Variants in AGO2 observed in about 807,000 individuals in gnomAD.
AGO2 encodes argonaute RISC catalytic component 2, also known as protein argonaute-2.
AGO2 carries 5 observed loss-of-function variants against 102.3 expected under a neutral mutation model. The observed-to-expected ratio is 0.05, with a 90% confidence interval of 0.03 to 0.10. The LOEUF is 0.10. AGO2 is among the 10% of genes least tolerant of loss of function. The pLI, the probability that AGO2 is intolerant of heterozygous loss-of-function variation, is 1.00. For synonymous variants in AGO2, 449 were observed against 473.1 expected, an observed-to-expected ratio of 0.95 and a Z score of 0.66; for missense variants, 541 against 1,183.7, an observed-to-expected ratio of 0.46 and a Z score of 7.97.
chr8:140,532,782 G>C, intron 17 of AGO2, 167 bp from the exon 18 acceptor site: 1 of 676,160 alleles, frequency 1.5e-6, no homozygotes, highest in Non-Finnish European at 2.5e-6. Context: ...AGATCACGCG[G>C]TCAGGAGTTC....
intron 14 of AGO2, among the ~76,000 whole-genome samples, chr8:140,542,100 T>C (rs2977475): frequency 0.45 from 68,820 of 151,826 alleles, 15,969 homozygotes; most frequent in African/African-American, 0.55. Flanking sequence ...GTGCCAGCCA[T>C]GAAGAGGGCA....
rs550908519 is a variant in AGO2, at chr8:140,521,658, AACTT to A, written c.*10382_*10385del. On this transcript the variant is annotated 3_prime_UTR_variant, in exon 19 of 19. Coordinates refer to ENST00000220592, the MANE Select transcript of AGO2 (RefSeq NM_012154.5). Reference sequence around the variant, plus strand: ...TTCTTACCTGTCAGAAAGCCTTCCTAACTTACAGGCACACAGGGCCGCTGCTGAA... The same window carrying A: ...TTCTTACCTGTCAGAAAGCCTTCCTAACAGGCACACAGGGCCGCTGCTGAA... The A allele has an allele frequency of 6.6e-6, 1 of 152,348 alleles. No homozygotes were observed. Among genetic ancestry groups the A allele is most frequent in the East Asian group, 1.9e-4 (1 of 5,188 alleles). The allele number at this position is 152,348 out of a possible 1,614,324, so 9.4% of individuals were successfully genotyped here. A position where few individuals can be genotyped will look rare whatever the true frequency, so the allele number is the denominator to read the frequency against.
At position 140,585,112 on chromosome 8, in the gene AGO2, G is replaced by A. The variant is rs377290379; in HGVS notation, c.215+7C>T. 53 of 1,613,002 alleles carry A rather than the reference G, an allele frequency of 3.3e-5. No homozygotes were observed. Among genetic ancestry groups the A allele is most frequent in the South Asian group, 5.5e-5 (5 of 90,972 alleles). On this transcript the variant is annotated splice_region_variant and intron_variant, in intron 2 of 18. Transcript: ENST00000220592. ...TTACACAGGTCATGAAGGATGAAACGTAATACCTGTTAACTCTCCTCGGGC... is the reference window on the plus strand; with the variant it reads ...TTACACAGGTCATGAAGGATGAAACATAATACCTGTTAACTCTCCTCGGGC...
chr8:140,579,968 C>T (rs983994973), intron 2 of AGO2, among the ~76,000 whole-genome samples: 1 of 151,274 alleles, frequency 6.6e-6, no homozygotes. Context: ...GAGCTCAAGA[C>T]GAACAAGGAG....
chr8:140,602,533 A>T (rs1479333405), intron 1 of AGO2, among the ~76,000 whole-genome samples: 1 of 152,244 alleles, frequency 6.6e-6, no homozygotes, highest in East Asian at 1.9e-4. Flanking sequence ...AGACTCCGTG[A>T]AATAAGCTTT....
chr8:140,579,151 AG>A (rs1197999566), intron 2 of AGO2, among the ~76,000 whole-genome samples: 1 of 151,720 alleles, frequency 6.6e-6, no homozygotes, highest in East Asian at 1.9e-4. Flanking sequence ...TGACCTCGGG[AG>A]GTTGAGGTTG....
chr8:140,553,777 C>T (rs1348229285), intron 10 of AGO2, among the ~76,000 whole-genome samples: 1 of 152,152 alleles, frequency 6.6e-6, no homozygotes. Flanking sequence ...CGGCTCACTG[C>T]AACCTCTGCC....
intron 1 of AGO2, among the ~76,000 whole-genome samples, chr8:140,598,916 T>C (rs895514625): frequency 3.3e-5 from 5 of 152,216 alleles, no homozygotes; most frequent in Admixed American, 6.5e-5. Context: ...TTCCTGCCTC[T>C]GCTTTTGCTC....
At chr8:140,556,362 C>A (rs2073094403) in intron 8 of AGO2, 76 bp from the exon 9 acceptor site, 10 of 1,574,526 alleles carry the variant, frequency 6.4e-6, no homozygotes, top group Non-Finnish European at 8.6e-6. Flanking sequence ...GGCTCAGGGG[C>A]TGGTGGCCTG....
rs540554949 is a variant in AGO2, at chr8:140,599,372, G to A, written c.23-14061C>T. The stretch of plus-strand genomic sequence containing the variant: ...ACCACTCAGGCCACAGCAGAAAAAC[G>A]CGTGCTGGAATCTGAAACAAAGTCT... On this transcript the variant is annotated intron_variant, in intron 1 of 18. Transcript: ENST00000220592. Among the ~76,000 whole-genome samples, 11 of 152,276 alleles carry A rather than the reference G, an allele frequency of 7.2e-5. No homozygotes were observed. In the South Asian group the frequency reaches 1.5e-3, roughly 20 times the overall value.
At position 140,549,271 on chromosome 8, in the gene AGO2, G is replaced by C; in HGVS notation, c.1431C>G (p.Ile477Met). The C allele has an allele frequency of 6.2e-7, 1 of 1,610,680 alleles. No homozygotes were observed. Among genetic ancestry groups the C allele is most frequent in the Non-Finnish European group, 8.5e-7 (1 of 1,177,728 alleles). ...LKSFTEQLRK[I>M]SRDAGMPIQG... ...GGATGGGCATGCCGGCGTCTCTCGA[G>C]ATCTTTCTGAGCTGCTCTGTGAAGG... The change falls in exon 12 of 19, where the codon ATC becomes ATG. Residue 477 changes from isoleucine (I) to methionine (M), a missense_variant. Ile to Met is a conservative substitution (Grantham distance 10, BLOSUM62 1). Coordinates refer to ENST00000220592, the MANE Select transcript of AGO2 (RefSeq NM_012154.5).
chr8:140,610,431 CTGGT>C (rs1432163066), intron 1 of AGO2, among the ~76,000 whole-genome samples: 3 of 152,146 alleles, frequency 2.0e-5, no homozygotes, highest in Non-Finnish European at 4.4e-5. Flanking sequence ...GTTGACCAGG[CTGGT>C]ATTGAACTCC....
At chr8:140,564,208 A>G (rs1018826210) in intron 3 of AGO2, among the ~76,000 whole-genome samples, 1 of 152,218 alleles carries the variant, frequency 6.6e-6, no homozygotes, top group East Asian at 1.9e-4. Flanking sequence ...CATCAGAGCC[A>G]TACGCACAGG....
chr8:140,557,541 G>A lies in AGO2; in HGVS notation c.879-305C>T, dbSNP rs1215767678. On this transcript the variant is annotated intron_variant, in intron 7 of 18. Coordinates refer to ENST00000220592, the MANE Select transcript of AGO2 (RefSeq NM_012154.5). The surrounding 1 kb of genome is among the most constrained non-coding windows in gnomAD (Gnocchi z 5.9). ...AATGGGCACGACCAGAAAGGCCTGC[G>A]CGTCTTCCAGCAGACCGTGGTGACC... is the stretch of plus-strand genomic sequence containing the variant. 1.3e-5 allele frequency among the ~76,000 whole-genome samples: 2 copies of A among 152,230 alleles called. No homozygotes were observed. The highest frequency in any genetic ancestry group is 2.4e-5 in the African/African-American group (1 of 41,456).
At chr8:140,595,773 T>C (rs2073820177) in intron 1 of AGO2, among the ~76,000 whole-genome samples, 1 of 99,026 alleles carries the variant, frequency 1.0e-5, no homozygotes. Context: ...AATTATATTA[T>C]ATACAATTGT....
chr8:140,614,180 T>C (rs2074114117), intron 1 of AGO2, among the ~76,000 whole-genome samples: 1 of 151,890 alleles, frequency 6.6e-6, no homozygotes, highest in South Asian at 2.1e-4. Context: ...CAAAATTAAC[T>C]GGGCGTGGCG....
intron 5 of AGO2, 45 bp downstream of exon 5, chr8:140,560,329 A>G: frequency 6.3e-7 from 1 of 1,594,616 alleles, no homozygotes; most frequent in African/African-American, 1.3e-5. Flanking sequence ...CCCCCAGCCC[A>G]TGCCCAACCC....
chr8:140,608,082 G>T (rs2074027979), intron 1 of AGO2, among the ~76,000 whole-genome samples: 1 of 152,006 alleles, frequency 6.6e-6, no homozygotes, highest in Admixed American at 6.6e-5. Flanking sequence ...GCAACAACAG[G>T]TTCTTTAGAT....
At position 140,523,086 on chromosome 8, in the gene AGO2, A is replaced by C. The variant is rs1374182278; in HGVS notation, c.*8958T>G. 2.0e-4 allele frequency: 30 copies of C among 152,362 alleles called. 1 individual carries two copies. In the East Asian group the frequency reaches 5.4e-3, roughly 27 times the overall value. 9.4% of individuals were successfully genotyped at this position (152,362 alleles called of 1,614,324 possible). A position where few individuals can be genotyped will look rare whatever the true frequency, so the allele number is the denominator to read the frequency against. ...ACAGAGAGGCCAATGTATATAAATA[A>C]GAGTTTATACAGAAACTGCCAATTC... On this transcript the variant is annotated 3_prime_UTR_variant, in exon 19 of 19. Transcript: ENST00000220592.
Sources: allele counts gnomAD v4.1 joint callset (sites outside exome capture counted in the v4.1 genomes callset), GRCh38; gene constraint gnomAD v4.1.1; non-coding constraint Gnocchi (gnomAD v3.1); transcripts MANE v1.5; gene names NCBI Gene and HGNC (gene_info 2026-07-23, HGNC 2026-07-21).